The following GRID2 variants were observed in gnomAD, a reference collection of about 807,000 sequenced individuals.
GRID2 encodes glutamate ionotropic receptor delta type subunit 2, also known as glutamate receptor ionotropic, delta-2.
Under a neutral mutation model 114.8 loss-of-function variants are expected in GRID2, and 33 were observed. The observed-to-expected ratio is 0.29, with a 90% CI of 0.22 to 0.38. The LOEUF (loss-of-function observed/expected upper bound fraction) is 0.38, where lower values mean the gene tolerates loss of function less well. GRID2 is among the 10% of genes least tolerant of loss of function. The probability of loss-of-function intolerance (pLI) is 1.00; values close to 1 mark genes in which losing one functional copy is unlikely to be tolerated. For missense variants in GRID2, 1,184 were observed against 1,257.7 expected, an observed-to-expected ratio of 0.94 and a Z score of 0.89; for synonymous variants, 505 against 449.9, an observed-to-expected ratio of 1.12 and a Z score of -1.55.
chr4:93,254,727 C>A (rs913127855), intron 8 of GRID2, among the ~76,000 whole-genome samples: 1 of 152,022 alleles, frequency 6.6e-6, no homozygotes, highest in Non-Finnish European at 1.5e-5. Context: ...AAATAAGAGA[C>A]AGTCTTTTTT....
At chr4:92,500,113 G>C (rs1005170592) in intron 1 of GRID2, among the ~76,000 whole-genome samples, 1 of 151,930 alleles carries the variant, frequency 6.6e-6, no homozygotes, top group Admixed American at 6.6e-5. Flanking sequence ...AGTGTGCAAG[G>C]TTTTTTCTTT....
rs1470993036 is a variant in GRID2 at position 93,011,838 on chromosome 4, C to G, written c.245-73157C>G. 2.6e-5 allele frequency among the ~76,000 whole-genome samples: 4 copies of G among 151,996 alleles called. No individual in the cohort carries two copies. In the East Asian group the frequency reaches 7.7e-4, roughly 29 times the overall value. ...ATATATTGCTATCCAATAGAAAGAACAGCACTGGAATTCTCACTAGCTTGT... is the reference window on the plus strand; with the variant it reads ...ATATATTGCTATCCAATAGAAAGAAGAGCACTGGAATTCTCACTAGCTTGT... On this transcript the variant is annotated intron_variant, in intron 2 of 15. Transcript: ENST00000282020.
intron 1 of GRID2, among the ~76,000 whole-genome samples, chr4:92,435,898 G>A (rs565230219): frequency 3.3e-5 from 5 of 152,228 alleles, no homozygotes; most frequent in South Asian, 2.1e-4. Context: ...GACAGACTAC[G>A]TTCTTTTTAT....
At chr4:92,855,489 A>T (rs986042218) in intron 2 of GRID2, among the ~76,000 whole-genome samples, 1 of 151,950 alleles carries the variant, frequency 6.6e-6, no homozygotes, top group African/African-American at 2.4e-5. Flanking sequence ...TTGTTATTTG[A>T]TTCTGCATAT....
At position 93,490,641 on chromosome 4, in the gene GRID2, G is replaced by T; in HGVS notation, c.1861G>T (p.Gly621Trp). The change falls in exon 12 of 16, where the codon GGG becomes TGG. Residue 621 changes from glycine (G) to tryptophan (W), a missense_variant and splice_region_variant. Gly to Trp is a radical substitution (Grantham distance 184). This residue lies in a region of GRID2 where 717 missense variants were observed against 796.9 expected (regional missense o/e 0.90). Transcript: ENST00000282020. ...FVYGSFVQQG[G>W]EVPYTTLATR... ...TATCTCTTTGCTTCTTTCTACAGGC[G>T]GGGAAGTCCCGTACACGACTCTGGC... 2 of 1,606,506 alleles carry T rather than the reference G, an allele frequency of 1.2e-6. No individual in the cohort carries two copies. The highest frequency in any genetic ancestry group is 1.7e-6 in the Non-Finnish European group (2 of 1,174,518).
intron 3 of GRID2, among the ~76,000 whole-genome samples, chr4:93,090,415 A>G (rs1056913450): frequency 6.6e-5 from 10 of 152,170 alleles, no homozygotes; most frequent in African/African-American, 1.2e-4. Context: ...AGATTCCACC[A>G]TTGCCCATAG....
At chr4:92,452,275 G>A (rs1720965863) in intron 1 of GRID2, among the ~76,000 whole-genome samples, 1 of 150,810 alleles carries the variant, frequency 6.6e-6, no homozygotes, top group Non-Finnish European at 1.5e-5. Flanking sequence ...TTGCCTTTCT[G>A]TCATGCTTTG....
chr4:92,397,053 G>A (rs987146262), intron 1 of GRID2, among the ~76,000 whole-genome samples: 11 of 151,466 alleles, frequency 7.3e-5, no homozygotes, highest in African/African-American at 2.7e-4. Flanking sequence ...TTTTTTCAAG[G>A]CAAGTATTCT....
intron 13 of GRID2, among the ~76,000 whole-genome samples, chr4:93,616,131 C>G (rs1381069814): frequency 1.3e-5 from 2 of 152,080 alleles, no homozygotes; most frequent in Admixed American, 1.3e-4. Flanking sequence ...TTTGAGGTAA[C>G]TGAAAAGTGA....
At chr4:93,672,758 T>C (rs1724537328) in intron 14 of GRID2, among the ~76,000 whole-genome samples, 1 of 152,234 alleles carries the variant, frequency 6.6e-6, no homozygotes, top group South Asian at 2.1e-4. Context: ...ATCTAACCAA[T>C]TTGTAGATAT....
chr4:93,229,876 T>G (rs1296588573), intron 7 of GRID2, among the ~76,000 whole-genome samples: 1 of 152,090 alleles, frequency 6.6e-6, no homozygotes, highest in Non-Finnish European at 1.5e-5. Flanking sequence ...TGCCTCCTCA[T>G]TTTCATTCTT....
intron 4 of GRID2, among the ~76,000 whole-genome samples, chr4:93,187,998 A>G (rs1342827086): frequency 2.0e-5 from 3 of 151,022 alleles, no homozygotes; most frequent in Non-Finnish European, 3.0e-5. Context: ...CAGCTCTCAC[A>G]GGGTTTGCGG....
At chr4:92,818,396 G>T (rs1439124173) in intron 2 of GRID2, among the ~76,000 whole-genome samples, 1 of 152,034 alleles carries the variant, frequency 6.6e-6, no homozygotes, top group Non-Finnish European at 1.5e-5. Context: ...AAGAAAAATG[G>T]CATTTGAGAT....
chr4:92,410,983 C>A (rs972277529), intron 1 of GRID2, among the ~76,000 whole-genome samples: 2 of 151,444 alleles, frequency 1.3e-5, no homozygotes, highest in Non-Finnish European at 2.9e-5. Context: ...AAAAAACAAA[C>A]AGCAACAATA....
At chr4:92,687,745 C>G (rs1422812845) in intron 2 of GRID2, among the ~76,000 whole-genome samples, 1 of 152,004 alleles carries the variant, frequency 6.6e-6, no homozygotes, top group East Asian at 2.0e-4. Context: ...AGAAGAATCA[C>G]TTGAACCCAG....
At chr4:92,532,758 G>C (rs1042914822) in intron 1 of GRID2, among the ~76,000 whole-genome samples, 1 of 152,084 alleles carries the variant, frequency 6.6e-6, no homozygotes, top group South Asian at 2.1e-4. Flanking sequence ...ATGATGTCTA[G>C]GGTATTTTGC....
intron 8 of GRID2, among the ~76,000 whole-genome samples, chr4:93,276,603 A>C (rs1436022631): frequency 1.3e-5 from 2 of 151,938 alleles, no homozygotes; most frequent in Non-Finnish European, 2.9e-5. Context: ...TTTCTTTCAA[A>C]AATATTTTGT....
chr4:93,249,810 C>G (rs938270514), intron 8 of GRID2, among the ~76,000 whole-genome samples: 1 of 151,560 alleles, frequency 6.6e-6, no homozygotes, highest in African/African-American at 2.4e-5. Flanking sequence ...ATCTCATGCC[C>G]GTTAGAATGG....
rs904323002 is a variant in GRID2 at position 93,362,406 on chromosome 4, C to T, written c.1246-33201C>T. On this transcript the variant is annotated intron_variant, in intron 8 of 15. Transcript: ENST00000282020. Reference sequence around the variant, plus strand: ...GGATCTGGCTTTCTTGGTGATCCTACTCATCCTCCTCATGGCAGTCAAACT... The same window carrying T: ...GGATCTGGCTTTCTTGGTGATCCTATTCATCCTCCTCATGGCAGTCAAACT... Among the ~76,000 whole-genome samples, 17 of 152,048 alleles carry T rather than the reference C, an allele frequency of 1.1e-4. No homozygotes were observed. In the East Asian group the frequency reaches 2.3e-3, roughly 21 times the overall value.
Sources: allele counts gnomAD v4.1 joint callset (sites outside exome capture counted in the v4.1 genomes callset), GRCh38; gene constraint gnomAD v4.1.1; regional missense constraint gnomAD v4.1.1; transcripts MANE v1.5; gene names NCBI Gene and HGNC (gene_info 2026-07-23, HGNC 2026-07-21).